FRMD4A: variants seen among roughly 807,000 people sequenced by gnomAD.
FRMD4A encodes the protein FERM domain containing 4A.
A neutral mutation model predicts 129.1 loss-of-function variants in FRMD4A; 29 were observed. The ratio of observed to expected loss-of-function variants is 0.22; its 90% confidence interval spans 0.17 to 0.31. The LOEUF (loss-of-function observed/expected upper bound fraction) is 0.31. Among genes scored for constraint, FRMD4A ranks in the 10% least tolerant of loss-of-function variants. FRMD4A has a pLI of 1.00. For synonymous variants in FRMD4A, 634 were observed against 571.6 expected, an observed-to-expected ratio of 1.11 and a Z score of -1.56; for missense variants, 1,272 against 1,375.8, an observed-to-expected ratio of 0.92 and a Z score of 1.19.
chr10:13,660,532 G>A lies in FRMD4A; in HGVS notation c.1682C>T (p.Thr561Ile). 6.2e-7 allele frequency: 1 copy of A among 1,609,980 alleles called. No homozygotes were observed. Among genetic ancestry groups the A allele is most frequent in the Non-Finnish European group, 8.5e-7 (1 of 1,176,950 alleles). Residue 561 changes from threonine (T) to isoleucine (I), a missense_variant, in exon 20 of 25, where the codon ACA becomes ATA. Physicochemically the swap from Thr to Ile is moderately conservative, Grantham distance 89. Coordinates refer to ENST00000357447, the MANE Select transcript of FRMD4A (RefSeq NM_018027.5). The stretch of plus-strand genomic sequence containing the variant: ...GTGAGGAGAATGTAGGGGGGATATT[G>A]TGCTGGTAACCTGAGAGTCTTCTGC... ...LEDEDSQVTSTISPLHSPHKG... is the reference protein window; with the variant it reads ...LEDEDSQVTSIISPLHSPHKG...
intron 2 of FRMD4A, among the ~76,000 whole-genome samples, chr10:14,071,622 G>A (rs1316496456): frequency 3.3e-5 from 5 of 151,892 alleles, no homozygotes; most frequent in Non-Finnish European, 5.9e-5. Context: ...GAGATGGGAC[G>A]GAAAAAGAAG....
At chr10:14,271,061 T>G (rs548800037) in intron 2 of FRMD4A, among the ~76,000 whole-genome samples, 1 of 152,248 alleles carries the variant, frequency 6.6e-6, no homozygotes, top group East Asian at 1.9e-4. Flanking sequence ...GTGTAACACA[T>G]GGCGGGCACA....
At chr10:14,309,292 T>A (rs1406842811) in intron 2 of FRMD4A, among the ~76,000 whole-genome samples, 3 of 151,992 alleles carry the variant, frequency 2.0e-5, no homozygotes, top group East Asian at 1.9e-4. Context: ...TCTAAAAAAA[T>A]TTTTTAAATT....
intron 3 of FRMD4A, among the ~76,000 whole-genome samples, chr10:13,855,180 A>C (rs1462031657): frequency 1.3e-5 from 2 of 152,138 alleles, no homozygotes; most frequent in Non-Finnish European, 2.9e-5. Context: ...CAACCCAAAG[A>C]AGGGAAATGT....
chr10:13,954,455 G>A (rs764939417), intron 2 of FRMD4A, among the ~76,000 whole-genome samples: 23 of 152,106 alleles, frequency 1.5e-4, no homozygotes, highest in Non-Finnish European at 2.9e-4. Context: ...AGAACAGCAC[G>A]GGAAAGATCC....
intron 23 of FRMD4A, chr10:13,652,212 TCACATCATAG>T (rs1001900386): frequency 3.5e-6 from 2 of 573,684 alleles, no homozygotes; most frequent in Non-Finnish European, 6.2e-6. Context: ...TCATTTTGTA[TCACATCATAG>T]CAAACAGTTT....
chr10:13,675,084 G>C (rs1206313396), intron 15 of FRMD4A, 40 bp from the exon 16 acceptor site: 2 of 1,586,770 alleles, frequency 1.3e-6, no homozygotes, highest in Non-Finnish European at 1.7e-6. Flanking sequence ...AGCTGACAGG[G>C]GACACACATC....
chr10:13,687,269 C>T (rs1218773524), intron 15 of FRMD4A, among the ~76,000 whole-genome samples: 2 of 152,160 alleles, frequency 1.3e-5, no homozygotes, highest in African/African-American at 4.8e-5. Flanking sequence ...GCACTCCAGC[C>T]TGGGCGACAG....
chr10:14,162,562 A>G (rs563704260), intron 2 of FRMD4A, among the ~76,000 whole-genome samples: 8 of 150,284 alleles, frequency 5.3e-5, no homozygotes, highest in Non-Finnish European at 1.2e-4. Flanking sequence ...AGCTAAATTA[A>G]CCCGGTTAAC....
At chr10:14,036,578 T>G (rs373086788) in intron 2 of FRMD4A, among the ~76,000 whole-genome samples, 39 of 152,342 alleles carry the variant, frequency 2.6e-4, no homozygotes, top group African/African-American at 9.1e-4. Context: ...ACGGAATCAC[T>G]GATTTTTACC....
At chr10:13,953,156 C>T (rs996597138) in intron 2 of FRMD4A, among the ~76,000 whole-genome samples, 3 of 152,154 alleles carry the variant, frequency 2.0e-5, no homozygotes, top group East Asian at 1.9e-4. Flanking sequence ...ATGATAATGC[C>T]GTTTTCCTCC....
chr10:14,190,178 A>G (rs1182936527), intron 2 of FRMD4A, among the ~76,000 whole-genome samples: 1 of 152,234 alleles, frequency 6.6e-6, no homozygotes, highest in Non-Finnish European at 1.5e-5. Context: ...CTGATGCAAC[A>G]GTATGCCCTC....
At chr10:14,022,342 G>A (rs560699796) in intron 2 of FRMD4A, among the ~76,000 whole-genome samples, 13 of 152,228 alleles carry the variant, frequency 8.5e-5, no homozygotes, top group South Asian at 8.3e-4. Flanking sequence ...GAAGAGGCTC[G>A]CTGTCTTGCA....
At chr10:13,891,075 A>C (rs370948972) in intron 2 of FRMD4A, among the ~76,000 whole-genome samples, 1 of 152,046 alleles carries the variant, frequency 6.6e-6, no homozygotes, top group Non-Finnish European at 1.5e-5. Flanking sequence ...CATTTAGCCA[A>C]TTTTAAATGA....
intron 12 of FRMD4A, among the ~76,000 whole-genome samples, chr10:13,721,588 C>A (rs2089416345): frequency 6.6e-6 from 1 of 152,154 alleles, no homozygotes; most frequent in African/African-American, 2.4e-5. Context: ...TAAAAAGCTC[C>A]CCGACCCTTG....
Position 13,798,109 on chromosome 10 carries a change from T to TA in FRMD4A, c.207-1522dup, listed in dbSNP as rs75787344. ...TACCTTGCTCTGAATATAGGAAAAGTAAAAAAAAAATAATGAAAGGGTTGG... is the reference window on the plus strand; with the variant it reads ...TACCTTGCTCTGAATATAGGAAAAGTAAAAAAAAAAATAATGAAAGGGTTGG... On this transcript the variant is annotated intron_variant, in intron 4 of 24. Transcript: ENST00000357447. 1.3e-4 allele frequency among the ~76,000 whole-genome samples: 20 copies of TA among 149,422 alleles called. 1 individual carries two copies. Among genetic ancestry groups the TA allele is most frequent in the South Asian group, 6.4e-4 (3 of 4,714 alleles).
intron 2 of FRMD4A, among the ~76,000 whole-genome samples, chr10:14,308,570 C>G (rs1041336): frequency 6.6e-6 from 1 of 151,976 alleles, no homozygotes; most frequent in Non-Finnish European, 1.5e-5. Context: ...TCAAAGATAT[C>G]CCCTCCTTCC....
intron 8 of FRMD4A, among the ~76,000 whole-genome samples, chr10:13,759,338 AG>A (rs1161583428): frequency 6.6e-6 from 1 of 152,206 alleles, no homozygotes; most frequent in Non-Finnish European, 1.5e-5. Context: ...GAAGCTCATT[AG>A]GGGGCCATGA....
chr10:14,085,601 G>A (rs1836222299), intron 2 of FRMD4A, among the ~76,000 whole-genome samples: 1 of 152,178 alleles, frequency 6.6e-6, no homozygotes, highest in Non-Finnish European at 1.5e-5. Context: ...GGGATGCTGG[G>A]GACAGAGCCT....
Sources: gnomAD v4.1 joint callset for allele counts (sites outside exome capture counted in the v4.1 genomes callset) on GRCh38, gnomAD v4.1.1 for gene constraint, MANE v1.5 for transcripts, NCBI Gene and HGNC (gene_info 2026-07-23, HGNC 2026-07-21) for gene names.